Variants in RNF130 observed in about 807,000 individuals in gnomAD.
RNF130 encodes the protein E3 ubiquitin-protein ligase RNF130.
RNF130 carries 21 observed loss-of-function variants against 44.6 expected under a neutral mutation model. The ratio of observed to expected loss-of-function variants is 0.47; its 90% CI spans 0.33 to 0.68. The LOEUF (loss-of-function observed/expected upper bound fraction) is 0.68, where lower values mean the gene tolerates loss of function less well. Among genes scored for constraint, RNF130 ranks in the 30% least tolerant of loss-of-function variants. The pLI is 0.02. For synonymous variants in RNF130, 214 were observed against 210.4 expected, an observed-to-expected ratio of 1.02 and a Z score of -0.15; for missense variants, 479 against 560.6, an observed-to-expected ratio of 0.85 and a Z score of 1.47.
intron 1 of RNF130, among the ~76,000 whole-genome samples, chr5:180,054,051 G>A (rs1161745042): frequency 6.6e-6 from 1 of 151,942 alleles, no homozygotes; most frequent in Non-Finnish European, 1.5e-5. Flanking sequence ...TCTTGACCTC[G>A]TGATCTGCCC....
intron 2 of RNF130, among the ~76,000 whole-genome samples, chr5:180,033,870 G>A (rs1764190747): frequency 6.6e-6 from 1 of 152,032 alleles, no homozygotes; most frequent in Non-Finnish European, 1.5e-5. Flanking sequence ...TTCCCAACTG[G>A]ATGTCTTTTA....
chr5:179,920,779 T>TTA (rs5873672), intron 7 of RNF130, among the ~76,000 whole-genome samples: 46,260 of 137,664 alleles, frequency 0.34, 8,533 homozygotes, highest in East Asian at 0.63. Context: ...GCATATATAT[T>TTA]TATATATATA....
intron 1 of RNF130, among the ~76,000 whole-genome samples, chr5:180,059,400 T>C (rs12514644): frequency 0.019 from 2,844 of 152,274 alleles, 95 homozygotes; most frequent in African/African-American, 0.063. Context: ...TTTCCCCAGA[T>C]AGGACACAAG....
At chr5:179,972,586 T>A (rs1762610024) in intron 5 of RNF130, among the ~76,000 whole-genome samples, 1 of 150,476 alleles carries the variant, frequency 6.6e-6, no homozygotes, top group South Asian at 2.1e-4. Flanking sequence ...GTGAGAGGTA[T>A]CCAGATGAGG....
chr5:180,045,425 GAGT>G (rs1181365923), intron 1 of RNF130, among the ~76,000 whole-genome samples: 1 of 152,188 alleles, frequency 6.6e-6, no homozygotes, highest in African/African-American at 2.4e-5. Context: ...CCTTCTCAGT[GAGT>G]GTTACAGCTC....
intron 2 of RNF130, among the ~76,000 whole-genome samples, chr5:180,014,405 C>T (rs1763667926): frequency 6.6e-6 from 1 of 152,116 alleles, no homozygotes; most frequent in Non-Finnish European, 1.5e-5. Context: ...TTTGCCTTCT[C>T]CAGAGAGCCC....
intron 3 of RNF130, among the ~76,000 whole-genome samples, chr5:180,011,381 G>T (rs1561691330): frequency 1.3e-5 from 2 of 152,196 alleles, no homozygotes; most frequent in African/African-American, 4.8e-5. Context: ...TTATGTAAGA[G>T]AATGTTCTTG....
At chr5:179,914,433 T>C (rs562507550) in exon 8 of RNF130, 5 of 152,376 alleles carry the variant, frequency 3.3e-5, no homozygotes, top group East Asian at 3.9e-4. Context: ...TCTAAATCCA[T>C]TGCCTTCAGT....
chr5:180,059,329 T>C (rs1424996279), intron 1 of RNF130, among the ~76,000 whole-genome samples: 2 of 152,212 alleles, frequency 1.3e-5, no homozygotes, highest in Non-Finnish European at 2.9e-5. Context: ...GCTCTCAGCA[T>C]CCCGATGCTT....
At chr5:180,037,559 T>C (rs996756267) in intron 2 of RNF130, among the ~76,000 whole-genome samples, 1 of 152,228 alleles carries the variant, frequency 6.6e-6, no homozygotes, top group Non-Finnish European at 1.5e-5. Context: ...TCAAGATCTG[T>C]AGGCCAGCAA....
chr5:180,012,956 C>T (rs1392914495), intron 3 of RNF130, 105 bp downstream of exon 3: 3 of 1,327,948 alleles, frequency 2.3e-6, no homozygotes, highest in Non-Finnish European at 3.1e-6. Flanking sequence ...GTGAGGGTAA[C>T]AACATTTTTT....
intron 3 of RNF130, among the ~76,000 whole-genome samples, chr5:179,995,520 C>T (rs991786339): frequency 6.6e-6 from 1 of 152,208 alleles, no homozygotes; most frequent in Non-Finnish European, 1.5e-5. Context: ...TGCTAGGCCA[C>T]AGGATTCCCA....
In RNF130 at chr5:180,071,631, C is replaced by G. The variant is rs758295965; in HGVS notation, c.72G>C (p.Pro24=). The G allele has an allele frequency of 2.7e-6, 4 of 1,498,704 alleles. No homozygotes were observed. The highest frequency in any genetic ancestry group is 3.6e-6 in the Non-Finnish European group (4 of 1,123,314). 92.8% of individuals were successfully genotyped at this position (1,498,704 alleles called of 1,614,324 possible). A position where few individuals can be genotyped will look rare whatever the true frequency, so the allele number is the denominator to read the frequency against. Residue 24 remains proline, a synonymous_variant, in exon 1 of 9, where the codon CCG becomes CCC. Coordinates refer to ENST00000521389, the MANE Select transcript of RNF130 (RefSeq NM_018434.6). The stretch of plus-strand genomic sequence containing the variant: ...CCTGGCTCGCGTTGTCTGCCCGTGC[C>G]GGCCACAGGCTGCAGGTCAGCAGGG... The part of the protein sequence containing the change: ...ALALLTCSLW[P]ARADNASQEY...
rs186587829 is a variant in RNF130 at position 180,034,637 on chromosome 5, A to T, written c.442+5816T>A. ...TGTCAGTATACAGAAAAAAGTAAAC[A>T]TAGCAGGTTTGAACTACTATCCGTC... On this transcript the variant is annotated intron_variant, in intron 2 of 8. Coordinates refer to ENST00000521389, the MANE Select transcript of RNF130 (RefSeq NM_018434.6). 3.0e-3 allele frequency among the ~76,000 whole-genome samples: 450 copies of T among 152,332 alleles called. 4 individuals are homozygous for T. Among genetic ancestry groups the T allele is most frequent in the Middle Eastern group, 0.014 (4 of 294 alleles).
At chr5:179,937,972 C>A (rs796636977) in intron 7 of RNF130, among the ~76,000 whole-genome samples, 1 of 102,636 alleles carries the variant, frequency 9.7e-6, no homozygotes, top group Admixed American at 9.4e-5. Context: ...GAGAGAGAGA[C>A]AGAGACAGAC....
intron 7 of RNF130, among the ~76,000 whole-genome samples, chr5:179,940,429 C>A (rs976340403): frequency 3.3e-5 from 5 of 151,852 alleles, no homozygotes; most frequent in African/African-American, 1.2e-4. Context: ...CCATGTTGGC[C>A]AGGCTGGTCT....
intron 3 of RNF130, among the ~76,000 whole-genome samples, chr5:179,984,107 A>G (rs1028680627): frequency 5.9e-5 from 9 of 152,180 alleles, no homozygotes; most frequent in Admixed American, 1.3e-4. Flanking sequence ...AATAAAATTA[A>G]TTCTTTCATA....
chr5:179,993,737 C>T (rs1469698225), intron 3 of RNF130, among the ~76,000 whole-genome samples: 1 of 152,148 alleles, frequency 6.6e-6, no homozygotes, highest in African/African-American at 2.4e-5. Context: ...TAATTAGATC[C>T]CATTTGTCAA....
intron 7 of RNF130, among the ~76,000 whole-genome samples, chr5:179,938,389 T>C (rs1761927110): frequency 1.3e-5 from 2 of 152,164 alleles, no homozygotes; most frequent in Non-Finnish European, 1.5e-5. Flanking sequence ...AGATTGGTAG[T>C]TGTCAGGGGC....
Sources: gnomAD v4.1 joint callset for allele counts (sites outside exome capture counted in the v4.1 genomes callset) on GRCh38, gnomAD v4.1.1 for gene constraint, MANE v1.5 for transcripts, NCBI Gene and HGNC (gene_info 2026-07-23, HGNC 2026-07-21) for gene names.